The following NAV2 variants were observed in gnomAD, a reference collection of about 807,000 sequenced individuals.
NAV2 encodes the protein helicase, APC down-regulated 1.
In NAV2, 54 loss-of-function variants were observed where a neutral mutation model predicts 223.2. The observed-to-expected ratio is 0.24, with a 90% CI of 0.19 to 0.30. NAV2 has a LOEUF of 0.30. NAV2 is among the 10% of genes least tolerant of loss of function. The pLI is 1.00. For missense variants in NAV2, 2,806 were observed against 3,147.5 expected (o/e 0.89, Z 2.60); for synonymous variants, 1,279 against 1,239.3 (o/e 1.03, Z -0.67).
chr11:19,531,366 G>A (rs1195962535), intron 1 of NAV2, among the ~76,000 whole-genome samples: 1 of 152,210 alleles, frequency 6.6e-6, no homozygotes, highest in African/African-American at 2.4e-5. Flanking sequence ...CTGCTGCTCT[G>A]AGCCAAGACC....
intron 20 of NAV2, among the ~76,000 whole-genome samples, chr11:20,067,297 G>T (rs2059109992): frequency 6.6e-6 from 1 of 152,122 alleles, no homozygotes; most frequent in African/African-American, 2.4e-5. Flanking sequence ...CCACTGTGGT[G>T]TCCTAGGGAA....
In NAV2 at chr11:19,933,291, G is replaced by T; in HGVS notation, c.1047G>T (p.Pro349=). 2.5e-6 allele frequency: 4 copies of T among 1,613,238 alleles called. No homozygotes were observed. Among genetic ancestry groups the T allele is most frequent in the South Asian group, 1.1e-5 (1 of 90,914 alleles). Residue 349 remains proline, a synonymous_variant, in exon 7 of 38, where the codon CCG becomes CCT. Coordinates refer to ENST00000349880, the MANE Select transcript of NAV2 (RefSeq NM_145117.5). The surrounding 1 kb of genome is among the most constrained non-coding windows in gnomAD (Gnocchi z 4.3). The part of the protein sequence containing the change: ...PTNCSTSSAI[P]QPGAATKPWR... The stretch of plus-strand genomic sequence containing the variant: ...ATTGCAGTACCTCCTCGGCCATCCC[G>T]CAGCCCGGTGCAGCCACCAAGCCTT...
At chr11:19,890,471 TTC>T (rs1327382027) in intron 5 of NAV2, among the ~76,000 whole-genome samples, 2 of 152,210 alleles carry the variant, frequency 1.3e-5, no homozygotes, top group African/African-American at 4.8e-5. Flanking sequence ...TTTGCTTCCC[TTC>T]TCTTTGCAAA....
At chr11:20,108,536 G>T (rs1201546628) in intron 36 of NAV2, among the ~76,000 whole-genome samples, 1 of 151,922 alleles carries the variant, frequency 6.6e-6, no homozygotes, top group African/African-American at 2.4e-5. Flanking sequence ...TCCACCTCCT[G>T]GGTTCAAGCA....
At chr11:19,357,218 T>C (rs1237378715) in intron 1 of NAV2, among the ~76,000 whole-genome samples, 1 of 152,184 alleles carries the variant, frequency 6.6e-6, no homozygotes, top group Non-Finnish European at 1.5e-5. Flanking sequence ...TTACCTGATC[T>C]CTTTAGACTT....
intron 22 of NAV2, 70 bp downstream of exon 22, chr11:20,068,468 T>C: frequency 8.7e-7 from 1 of 1,143,070 alleles, no homozygotes; most frequent in Middle Eastern, 2.0e-4. Context: ...CAGCCTCAAG[T>C]CCTCCTGTGC....
At chr11:19,524,719 G>A (rs7941416) in intron 1 of NAV2, among the ~76,000 whole-genome samples, 1 of 152,072 alleles carries the variant, frequency 6.6e-6, no homozygotes, top group African/African-American at 2.4e-5. Flanking sequence ...CTTTTTTTAA[G>A]ATATTAATTT....
chr11:19,741,664 A>G (rs2052817150), intron 1 of NAV2, among the ~76,000 whole-genome samples: 2 of 145,918 alleles, frequency 1.4e-5, no homozygotes, highest in Non-Finnish European at 1.5e-5. Context: ...TTCATTGTGT[A>G]TGTATGTATC....
intron 1 of NAV2, among the ~76,000 whole-genome samples, chr11:19,678,074 C>T (rs760375755): frequency 3.3e-5 from 5 of 152,088 alleles, no homozygotes; most frequent in South Asian, 2.1e-4. Flanking sequence ...GAGGCTGCGC[C>T]GCAGGAATAG....
At chr11:19,346,916 G>A (rs1326244890), upstream of NAV2, among the ~76,000 whole-genome samples, 1 of 152,166 alleles carries the variant, frequency 6.6e-6, no homozygotes, top group Non-Finnish European at 1.5e-5. Context: ...AATTAAAAAT[G>A]CGATTTTGGT....
intron 1 of NAV2, among the ~76,000 whole-genome samples, chr11:19,646,821 T>C (rs1279559547): frequency 1.3e-5 from 2 of 152,136 alleles, no homozygotes; most frequent in Admixed American, 6.5e-5. Context: ...CTCAGAGAAG[T>C]TAAGTAACTT....
In NAV2 at chr11:19,834,886, T is replaced by C. The variant is rs568745500; in HGVS notation, c.385+2285T>C. The stretch of plus-strand genomic sequence containing the variant: ...TGATCTTACAGCAGTCTTATGAAAT[T>C]CAAGTTAGGTATCAAATATGACATA... On this transcript the variant is annotated intron_variant, in intron 2 of 37. Transcript: ENST00000349880. 3.3e-4 allele frequency among the ~76,000 whole-genome samples: 51 copies of C among 152,302 alleles called. No homozygotes were observed. The South Asian group carries it at 0.01, about 30-fold the overall frequency.
intron 1 of NAV2, among the ~76,000 whole-genome samples, chr11:19,368,326 T>C (rs908370117): frequency 3.3e-5 from 5 of 152,174 alleles, no homozygotes; most frequent in African/African-American, 1.2e-4. Context: ...AGTTTGCTTT[T>C]GGGTAGAAAC....
At chr11:20,044,876 C>T (rs1284150974) in intron 13 of NAV2, 92 bp from the exon 14 acceptor site, 45 of 1,050,074 alleles carry the variant, frequency 4.3e-5, no homozygotes, top group Non-Finnish European at 5.6e-5. Context: ...GAAAAGTGAA[C>T]CAGCTCTTCA....
At chr11:19,822,639 T>C (rs2152856989) in intron 1 of NAV2, among the ~76,000 whole-genome samples, 1 of 152,232 alleles carries the variant, frequency 6.6e-6, no homozygotes, top group East Asian at 1.9e-4. Context: ...TTATCTTTGT[T>C]TGGTGGTTGT....
chr11:19,527,033 C>T (rs1459875903), intron 1 of NAV2, among the ~76,000 whole-genome samples: 1 of 152,052 alleles, frequency 6.6e-6, no homozygotes, highest in South Asian at 2.1e-4. Flanking sequence ...CTTTCTCCAA[C>T]CCTCCCACCC....
Position 20,023,699 on chromosome 11 carries a change from G to GGTGGGTGGGTGTGT in NAV2, c.2769-12257_2769-12256insGGTGGGTGTGTGTG, listed in dbSNP as rs1554902315. Reference sequence around the variant, plus strand: ...GTTGTGTTTATACAGCAAATTGCTGGGTGTGTGTGTGTGTGTGTGTGTGTG... The same window carrying GGTGGGTGGGTGTGT: ...GTTGTGTTTATACAGCAAATTGCTGGGTGGGTGGGTGTGTGTGTGTGTGTGTGTGTGTGTGTGTG... On this transcript the variant is annotated intron_variant, in intron 11 of 37. Coordinates refer to ENST00000349880, the MANE Select transcript of NAV2 (RefSeq NM_145117.5). 4.3e-3 allele frequency among the ~76,000 whole-genome samples: 621 copies of GGTGGGTGGGTGTGT among 144,674 alleles called. 5 individuals carry two copies. Among genetic ancestry groups the GGTGGGTGGGTGTGT allele is most frequent in the South Asian group, 0.019 (85 of 4,400 alleles). 94.9% of individuals were successfully genotyped at this position (144,674 alleles called of 152,430 possible). A position where few individuals can be genotyped will look rare whatever the true frequency, so the allele number is the denominator to read the frequency against.
At chr11:19,645,857 T>G (rs1156435012) in intron 1 of NAV2, among the ~76,000 whole-genome samples, 1 of 152,194 alleles carries the variant, frequency 6.6e-6, no homozygotes. Context: ...ATTTTACAGC[T>G]GAGTAAAACT....
At chr11:19,435,354 A>G (rs553961843) in intron 1 of NAV2, among the ~76,000 whole-genome samples, 65 of 151,406 alleles carry the variant, frequency 4.3e-4, no homozygotes, top group Non-Finnish European at 8.0e-4. Flanking sequence ...GGCTTATTTC[A>G]CTTGGCATAA....
Sources: allele counts gnomAD v4.1 joint callset (sites outside exome capture counted in the v4.1 genomes callset), GRCh38; gene constraint gnomAD v4.1.1; non-coding constraint Gnocchi (gnomAD v3.1); transcripts MANE v1.5; gene names NCBI Gene and HGNC (gene_info 2026-07-23, HGNC 2026-07-21).